Variants in POLN observed in about 807,000 individuals in gnomAD.
POLN encodes DNA polymerase N.
POLN carries 108 observed loss-of-function variants against 113.5 expected under a neutral mutation model. The ratio of observed to expected loss-of-function variants is 0.95; its 90% CI spans 0.81 to 1.12. POLN has a LOEUF of 1.12. Ranked by LOEUF, POLN falls within the 50% of genes most tolerant of loss-of-function variation. The probability of loss-of-function intolerance (pLI) is 0.00; values close to 1 mark genes in which losing one functional copy is unlikely to be tolerated. For missense variants in POLN, 1,097 were observed against 1,077.1 expected, an observed-to-expected ratio of 1.02 and a Z score of -0.26; for synonymous variants, 386 against 391.5, an observed-to-expected ratio of 0.99 and a Z score of 0.17.
chr4:2,196,772 A>T (rs1460827136), intron 6 of POLN, among the ~76,000 whole-genome samples: 2 of 152,144 alleles, frequency 1.3e-5, no homozygotes, highest in Non-Finnish European at 2.9e-5. Context: ...ACCTTTGATA[A>T]TGTTGGCCTG....
At chr4:2,154,855 A>G (rs1732385672) in intron 16 of POLN, among the ~76,000 whole-genome samples, 1 of 152,258 alleles carries the variant, frequency 6.6e-6, no homozygotes, top group African/African-American at 2.4e-5. Flanking sequence ...TAAAAAGATG[A>G]CACAAACTTC....
chr4:2,096,202 C>T (rs1377031656), intron 19 of POLN, among the ~76,000 whole-genome samples: 2 of 152,240 alleles, frequency 1.3e-5, no homozygotes, highest in Admixed American at 1.3e-4. Context: ...AAACCCAAAA[C>T]TGCTTTCACC....
At chr4:2,147,427 T>A (rs1732172407) in intron 16 of POLN, among the ~76,000 whole-genome samples, 1 of 152,068 alleles carries the variant, frequency 6.6e-6, no homozygotes, top group African/African-American at 2.4e-5. Flanking sequence ...GACAAGATGA[T>A]CCCTAAAGTA....
intron 19 of POLN, among the ~76,000 whole-genome samples, chr4:2,105,905 C>T (rs1289093937): frequency 1.3e-5 from 2 of 152,002 alleles, no homozygotes; most frequent in African/African-American, 2.4e-5. Flanking sequence ...TCTTGGCAAG[C>T]TCTCCAACAC....
chr4:2,181,999 C>CAA (rs546309359), intron 7 of POLN, among the ~76,000 whole-genome samples: 3,940 of 98,786 alleles, frequency 0.04, 210 homozygotes, highest in African/African-American at 0.12. Context: ...GACTCCGTCT[C>CAA]AAAAAAAAAA....
At chr4:2,075,430 AC>A in intron 24 of POLN, 21 bp downstream of exon 24, 1 of 1,612,728 alleles carries the variant, frequency 6.2e-7, no homozygotes, top group East Asian at 2.2e-5. Flanking sequence ...TGTCCAAGCA[AC>A]CCTGTGTTGC....
intron 16 of POLN, among the ~76,000 whole-genome samples, chr4:2,153,893 A>G (rs1306857480): frequency 6.6e-6 from 1 of 151,732 alleles, no homozygotes; most frequent in Non-Finnish European, 1.5e-5. Context: ...TGTTATTTGT[A>G]TAATTTTAAA....
At chr4:2,218,894 G>C (rs998525466) in intron 3 of POLN, among the ~76,000 whole-genome samples, 1 of 152,142 alleles carries the variant, frequency 6.6e-6, no homozygotes, top group Admixed American at 6.5e-5. Context: ...GCACCTACCT[G>C]GTGAATTAAA....
rs1730161401 is a variant in POLN at position 2,072,174 on chromosome 4, A to C, written c.2643T>G (p.Pro881=). 1 of 1,610,690 alleles carries C rather than the reference A, an allele frequency of 6.2e-7. No homozygotes were observed. The highest frequency in any genetic ancestry group is 1.1e-5 in the South Asian group (1 of 90,952). The change falls in exon 26 of 26, where the codon CCT becomes CCG. Residue 881 remains proline, a synonymous_variant. Transcript: ENST00000511885. ...GGGGCTGGGTGCTGGCAGGGGACCCAGGGGCAGCCAGGCTGTTGCTGGGAG... is the reference window on the plus strand; with the variant it reads ...GGGGCTGGGTGCTGGCAGGGGACCCCGGGGCAGCCAGGCTGTTGCTGGGAG... The part of the protein sequence containing the change: ...TESPSNSLAA[P]GSPASTQPPP...
At chr4:2,110,805 A>T (rs1167725116) in intron 19 of POLN, among the ~76,000 whole-genome samples, 1 of 152,232 alleles carries the variant, frequency 6.6e-6, no homozygotes, top group African/African-American at 2.4e-5. Flanking sequence ...GAATTCTATC[A>T]GAGGTACAAG....
intron 8 of POLN, among the ~76,000 whole-genome samples, chr4:2,177,854 T>G (rs1733033224): frequency 6.6e-6 from 1 of 152,208 alleles, no homozygotes; most frequent in Admixed American, 6.5e-5. Context: ...CTCCAAGTGC[T>G]GAAACTTTGA....
intron 4 of POLN, among the ~76,000 whole-genome samples, chr4:2,210,921 CATAATAAAT>C (rs1468377786): frequency 3.4e-5 from 4 of 116,986 alleles, no homozygotes; most frequent in Non-Finnish European, 7.3e-5. Flanking sequence ...CATCTCAAAA[CATAATAAAT>C]AAATAAATAA....
At chr4:2,174,598 T>G (rs1732948602) in intron 10 of POLN, 93 bp downstream of exon 10, 2 of 1,060,620 alleles carry the variant, frequency 1.9e-6, no homozygotes, top group South Asian at 2.6e-5. Context: ...ATATACTATC[T>G]ACTCCTAAGT....
chr4:2,132,526 C>G (rs1277118583), intron 16 of POLN, among the ~76,000 whole-genome samples: 2 of 152,086 alleles, frequency 1.3e-5, no homozygotes, highest in East Asian at 1.9e-4. Context: ...AAAAGATAAC[C>G]AGGCCCAGAA....
At chr4:2,214,296 C>T (rs1011997702) in intron 3 of POLN, among the ~76,000 whole-genome samples, 7 of 151,926 alleles carry the variant, frequency 4.6e-5, no homozygotes, top group African/African-American at 1.7e-4. Flanking sequence ...AGAGAACAGA[C>T]AACCCAGAGA....
At chr4:2,141,142 T>C (rs972384399) in intron 16 of POLN, 2 of 152,282 alleles carry the variant, frequency 1.3e-5, no homozygotes, top group Non-Finnish European at 2.9e-5. Flanking sequence ...AAGCTAGCCC[T>C]TCTTCGGCCT....
intron 19 of POLN, among the ~76,000 whole-genome samples, chr4:2,101,054 C>G (rs1730910374): frequency 6.6e-6 from 1 of 151,890 alleles, no homozygotes; most frequent in East Asian, 1.9e-4. Flanking sequence ...TGACCTGGGA[C>G]AACTGGCTCA....
intron 7 of POLN, 101 bp from the exon 8 acceptor site, chr4:2,179,566 T>C: frequency 2.6e-6 from 3 of 1,157,418 alleles, no homozygotes; most frequent in African/African-American, 3.2e-5. Flanking sequence ...AGTAGTATTG[T>C]CATCCTCTCA....
At chr4:2,073,132 G>A in intron 24 of POLN, 103 bp from the exon 25 acceptor site, 1 of 1,112,364 alleles carries the variant, frequency 9.0e-7, no homozygotes, top group South Asian at 1.3e-5. Flanking sequence ...CCCGGCCCCT[G>A]AGCCCCCTTG....
Sources: allele counts gnomAD v4.1 joint callset (sites outside exome capture counted in the v4.1 genomes callset), GRCh38; gene constraint gnomAD v4.1.1; transcripts MANE v1.5; gene names NCBI Gene and HGNC (gene_info 2026-07-23, HGNC 2026-07-21).